RIT2: variants seen among roughly 807,000 people sequenced by gnomAD.
The protein encoded by RIT2 is GTP-binding protein Rit2.
Under a neutral mutation model 23.7 loss-of-function variants are expected in RIT2, and 24 were observed. The observed-to-expected ratio is 1.01, with a 90% CI of 0.73 to 1.43. The LOEUF is 1.43. Ranked by LOEUF, RIT2 falls within the 40% of genes most tolerant of loss-of-function variation. The pLI, the probability that RIT2 is intolerant of heterozygous loss-of-function variation, is 0.00. For synonymous variants in RIT2, 107 were observed against 91.1 expected, an observed-to-expected ratio of 1.17 and a Z score of -0.99; for missense variants, 236 against 266.9, an observed-to-expected ratio of 0.88 and a Z score of 0.81.
chr18:43,114,004 G>A (rs1028613533), intron 1 of RIT2, among the ~76,000 whole-genome samples: 34 of 151,948 alleles, frequency 2.2e-4, no homozygotes, highest in African/African-American at 7.0e-4. Flanking sequence ...TATAGATCAT[G>A]TTGTCTCTAT....
At chr18:42,894,139 A>C (rs1424498764) in intron 4 of RIT2, among the ~76,000 whole-genome samples, 1 of 152,318 alleles carries the variant, frequency 6.6e-6, no homozygotes, top group East Asian at 1.9e-4. Context: ...TCACCTCCCT[A>C]TATATCCTGT....
chr18:42,848,064 C>T (rs528066854), intron 4 of RIT2, among the ~76,000 whole-genome samples: 1 of 151,736 alleles, frequency 6.6e-6, no homozygotes, highest in African/African-American at 2.4e-5. Context: ...GTTGTCAACT[C>T]GTTTGGTCAT....
intron 4 of RIT2, among the ~76,000 whole-genome samples, chr18:42,789,717 A>T (rs1330421350): frequency 6.6e-6 from 1 of 152,176 alleles, no homozygotes; most frequent in African/African-American, 2.4e-5. Context: ...AAACTTAAGA[A>T]TTTGTTGATG....
chr18:42,771,335 T>G (rs539192569), intron 4 of RIT2, among the ~76,000 whole-genome samples: 1 of 152,318 alleles, frequency 6.6e-6, no homozygotes. Context: ...ACATTTCTCT[T>G]TAATATTTGT....
chr18:42,919,799 C>T (rs2144129077), intron 4 of RIT2, among the ~76,000 whole-genome samples: 1 of 152,200 alleles, frequency 6.6e-6, no homozygotes, highest in East Asian at 1.9e-4. Context: ...CACTCATAGA[C>T]TGCTTCTACT....
At chr18:43,048,566 T>C (rs1351750341) in intron 1 of RIT2, among the ~76,000 whole-genome samples, 1 of 152,212 alleles carries the variant, frequency 6.6e-6, no homozygotes, top group Non-Finnish European at 1.5e-5. Context: ...GGGGTTGTTA[T>C]GAAAAGTAAG....
chr18:43,042,861 T>C (rs1315176101), intron 1 of RIT2, among the ~76,000 whole-genome samples: 2 of 152,138 alleles, frequency 1.3e-5, no homozygotes, highest in Non-Finnish European at 1.5e-5. Flanking sequence ...AAAATTATTA[T>C]AGCACTGTTA....
At chr18:43,112,674 C>T (rs2144255250) in intron 1 of RIT2, among the ~76,000 whole-genome samples, 1 of 152,200 alleles carries the variant, frequency 6.6e-6, no homozygotes, top group East Asian at 1.9e-4. Flanking sequence ...GGGGCTGAGG[C>T]AGGAGCATTG....
chr18:43,094,115 T>G (rs562963322), intron 1 of RIT2, among the ~76,000 whole-genome samples: 8 of 71,128 alleles, frequency 1.1e-4, no homozygotes, highest in Middle Eastern at 6.5e-3. Flanking sequence ...TATTAGTGGG[T>G]TTTTTTTGTT....
intron 3 of RIT2, among the ~76,000 whole-genome samples, chr18:42,928,054 C>T (rs1039590681): frequency 1.3e-5 from 2 of 151,866 alleles, no homozygotes; most frequent in Non-Finnish European, 2.9e-5. Flanking sequence ...TTAGCAACTC[C>T]CAGTAAGGGC....
At chr18:42,978,646 G>T (rs150139347) in intron 2 of RIT2, among the ~76,000 whole-genome samples, 1 of 152,162 alleles carries the variant, frequency 6.6e-6, no homozygotes, top group South Asian at 2.1e-4. Context: ...TATCATTTGC[G>T]CAGAAAAGCA....
At chr18:43,019,089 GAT>G (rs1250184655) in intron 2 of RIT2, among the ~76,000 whole-genome samples, 1 of 151,836 alleles carries the variant, frequency 6.6e-6, no homozygotes, top group African/African-American at 2.4e-5. Context: ...CCACTTAAAA[GAT>G]ATAGACTGGC....
intron 4 of RIT2, among the ~76,000 whole-genome samples, chr18:42,823,932 T>C (rs1227551070): frequency 6.6e-6 from 1 of 152,128 alleles, no homozygotes; most frequent in Non-Finnish European, 1.5e-5. Flanking sequence ...TGTTCAACCT[T>C]ACTATTATCA....
At chr18:42,794,424 T>C (rs1257467200) in intron 4 of RIT2, among the ~76,000 whole-genome samples, 1 of 152,268 alleles carries the variant, frequency 6.6e-6, no homozygotes, top group Non-Finnish European at 1.5e-5. Flanking sequence ...GTATAGATCA[T>C]TGAATAATCT....
intron 4 of RIT2, among the ~76,000 whole-genome samples, chr18:42,861,610 CA>C (rs1907330011): frequency 6.6e-6 from 1 of 152,212 alleles, no homozygotes; most frequent in South Asian, 2.1e-4. Context: ...AGAAATATAA[CA>C]GAGACCCCCA....
At chr18:42,877,297 G>A (rs917004890) in intron 4 of RIT2, among the ~76,000 whole-genome samples, 2 of 151,524 alleles carry the variant, frequency 1.3e-5, no homozygotes, top group East Asian at 1.9e-4. Flanking sequence ...TTTGACCTGA[G>A]AGAGATCTTT....
intron 3 of RIT2, among the ~76,000 whole-genome samples, chr18:42,948,083 C>T (rs912589916): frequency 9.9e-5 from 15 of 152,070 alleles, no homozygotes; most frequent in African/African-American, 3.6e-4. Context: ...CAGTATGATA[C>T]ACCATACCTC....
chr18:42,823,074 G>C (rs1906196814), intron 4 of RIT2, among the ~76,000 whole-genome samples: 1 of 152,044 alleles, frequency 6.6e-6, no homozygotes, highest in African/African-American at 2.4e-5. Context: ...CAAGAAAGAG[G>C]CATTAAATTC....
At chr18:42,853,633 A>AT (rs2144039603) in intron 4 of RIT2, among the ~76,000 whole-genome samples, 1 of 152,310 alleles carries the variant, frequency 6.6e-6, no homozygotes, top group African/African-American at 2.4e-5. Context: ...TATTATTATA[A>AT]TTTTTATTTG....
Sources: allele counts gnomAD v4.1 joint callset (sites outside exome capture counted in the v4.1 genomes callset), GRCh38; gene constraint gnomAD v4.1.1; transcripts MANE v1.5; gene names NCBI Gene and HGNC (gene_info 2026-07-23, HGNC 2026-07-21).